The following RPS6KC1 variants were observed in gnomAD, a reference collection of about 807,000 sequenced individuals.
The protein encoded by RPS6KC1 is inactive ribosomal protein S6 kinase delta-1.
A neutral mutation model predicts 103.8 loss-of-function variants in RPS6KC1; 54 were observed. That is an observed-to-expected ratio of 0.52 (90% CI 0.42 to 0.65). RPS6KC1 has a LOEUF of 0.65. Among genes scored for constraint, RPS6KC1 ranks in the 30% least tolerant of loss-of-function variants. RPS6KC1 has a pLI of 0.00. For synonymous variants in RPS6KC1, 439 were observed against 438.7 expected, an observed-to-expected ratio of 1.00 and a Z score of -0.01; for missense variants, 1,151 against 1,253.8, an observed-to-expected ratio of 0.92 and a Z score of 1.24.
At chr1:213,359,339 T>C in the RPS6KC1 span, among the ~76,000 whole-genome samples, 3 of 151,628 alleles carry the variant, frequency 2.0e-5, no homozygotes, top group Non-Finnish European at 3.0e-5. Context: ...TTGATCTTTG[T>C]TGGTTTAAAG....
chr1:213,426,574 C>T, the RPS6KC1 span, among the ~76,000 whole-genome samples: 3 of 152,152 alleles, frequency 2.0e-5, no homozygotes, highest in East Asian at 1.9e-4. Context: ...ACATATGGTT[C>T]GGCTACTAAT....
chr1:213,140,336 C>G (rs1051282362), intron 6 of RPS6KC1, among the ~76,000 whole-genome samples: 4 of 152,012 alleles, frequency 2.6e-5, no homozygotes, highest in African/African-American at 9.7e-5. Flanking sequence ...ATTTCTTTGT[C>G]TTGCCTGATT....
At chr1:213,711,566 G>A in the RPS6KC1 span, among the ~76,000 whole-genome samples, 2 of 152,068 alleles carry the variant, frequency 1.3e-5, no homozygotes, top group South Asian at 2.1e-4. Context: ...GCAAGGAGTT[G>A]TGATCCTTTG....
intron 3 of RPS6KC1, 74 bp from the exon 4 acceptor site, chr1:213,104,380 T>G (rs2082278185): frequency 2.1e-6 from 2 of 944,214 alleles, no homozygotes; most frequent in Non-Finnish European, 3.3e-6. Context: ...TGCTTTCTGA[T>G]CTGTGGACGT....
At chr1:213,152,967 C>T (rs796272601) in intron 6 of RPS6KC1, among the ~76,000 whole-genome samples, 86 of 122,800 alleles carry the variant, frequency 7.0e-4, no homozygotes, top group African/African-American at 2.2e-3. Flanking sequence ...ACTGAGTGAA[C>T]GAGACTCCAT....
the RPS6KC1 span, among the ~76,000 whole-genome samples, chr1:213,302,507 G>GA: frequency 4.2e-3 from 635 of 151,072 alleles, 6 homozygotes; most frequent in African/African-American, 0.015. Flanking sequence ...AAAAAGAAAA[G>GA]AAAAAAAAAG....
chr1:213,813,192 A>C, the RPS6KC1 span, among the ~76,000 whole-genome samples: 21 of 152,076 alleles, frequency 1.4e-4, no homozygotes, highest in Non-Finnish European at 2.1e-4. Flanking sequence ...CAGAAGTTGC[A>C]GTGAGCTGAG....
chr1:213,375,036 T>C, the RPS6KC1 span, among the ~76,000 whole-genome samples: 1 of 151,420 alleles, frequency 6.6e-6, no homozygotes, highest in African/African-American at 2.4e-5. Flanking sequence ...TACACACACA[T>C]ACACATACAT....
the RPS6KC1 span, among the ~76,000 whole-genome samples, chr1:213,815,097 C>T: frequency 3.3e-5 from 5 of 152,132 alleles, no homozygotes; most frequent in African/African-American, 7.2e-5. Flanking sequence ...ATGCTGTTCT[C>T]GTGATAGTGA....
At position 213,129,672 on chromosome 1, in the gene RPS6KC1, T is replaced by G; in HGVS notation, c.618T>G (p.Ala206=). The change falls in exon 6 of 15, where the codon GCT becomes GCG. Residue 206 remains alanine (A), a synonymous_variant. Transcript: ENST00000366960. ...CTTCGGATTCTTCAGCACTAGGGGC[T>G]GTTGCTTCTGACAGTGAACAGAGCA... ...NLSSDSSALG[A]VASDSEQSKT... 5.0e-6 allele frequency: 8 copies of G among 1,614,080 alleles called. No homozygotes were observed. The highest frequency in any genetic ancestry group is 6.8e-6 in the Non-Finnish European group (8 of 1,179,966).
intron 10 of RPS6KC1, 43 bp downstream of exon 10, chr1:213,232,298 CCTA>C (rs1373824029): frequency 8.7e-6 from 14 of 1,610,870 alleles, no homozygotes; most frequent in Admixed American, 3.3e-5. Flanking sequence ...AAGAATGTCA[CCTA>C]CTTAGCTTCC....
the RPS6KC1 span, among the ~76,000 whole-genome samples, chr1:213,661,461 G>A: frequency 3.3e-5 from 5 of 152,280 alleles, no homozygotes; most frequent in African/African-American, 1.2e-4. Context: ...CACTGACCTC[G>A]CCTTTCAGTT....
the RPS6KC1 span, among the ~76,000 whole-genome samples, chr1:213,418,452 G>T: frequency 4.9e-4 from 75 of 152,250 alleles, 1 homozygote; most frequent in Admixed American, 4.3e-3. Context: ...GCTCTGGCCT[G>T]CTAGACCCAC....
At chr1:213,125,529 A>C (rs1184393229) in intron 5 of RPS6KC1, among the ~76,000 whole-genome samples, 1 of 151,872 alleles carries the variant, frequency 6.6e-6, no homozygotes, top group Admixed American at 6.6e-5. Context: ...TTTGATATGC[A>C]TTGGCAAATT....
chr1:213,440,848 C>T, the RPS6KC1 span, among the ~76,000 whole-genome samples: 7 of 152,146 alleles, frequency 4.6e-5, no homozygotes, highest in Non-Finnish European at 1.0e-4. Context: ...ACCCATCACC[C>T]TAGTTAAGCC....
At chr1:213,392,757 CATT>C in the RPS6KC1 span, among the ~76,000 whole-genome samples, 1 of 152,214 alleles carries the variant, frequency 6.6e-6, no homozygotes, top group African/African-American at 2.4e-5. Context: ...CACAAACTGA[CATT>C]ATCTTGCTGA....
chr1:213,693,351 T>C, the RPS6KC1 span, among the ~76,000 whole-genome samples: 19,932 of 152,232 alleles, frequency 0.13, 1,441 homozygotes, highest in Middle Eastern at 0.2. Context: ...TGCTGAGCTA[T>C]GGCTCACCCT....
At chr1:213,121,297 G>T (rs1379124975) in intron 5 of RPS6KC1, among the ~76,000 whole-genome samples, 1 of 152,022 alleles carries the variant, frequency 6.6e-6, no homozygotes, top group African/African-American at 2.4e-5. Flanking sequence ...TTAAGGTTTT[G>T]TAAAAAATAA....
the RPS6KC1 span, among the ~76,000 whole-genome samples, chr1:213,724,743 A>G: frequency 6.6e-6 from 1 of 152,212 alleles, no homozygotes; most frequent in Non-Finnish European, 1.5e-5. Context: ...CTCTAAAAAA[A>G]TAATAATAAA....
Sources: gnomAD v4.1 joint callset for allele counts (sites outside exome capture counted in the v4.1 genomes callset) on GRCh38, gnomAD v4.1.1 for gene constraint, MANE v1.5 for transcripts, NCBI Gene and HGNC (gene_info 2026-07-23, HGNC 2026-07-21) for gene names.